NID2: variants seen among roughly 807,000 people sequenced by gnomAD.
The protein encoded by NID2 is nidogen 2, also known as nidogen-2.
Under a neutral mutation model 145.4 loss-of-function variants are expected in NID2, and 83 were observed. That is an observed-to-expected ratio of 0.57 (90% CI 0.48 to 0.69). NID2 has a LOEUF of 0.69. Among genes scored for constraint, NID2 ranks in the 30% least tolerant of loss-of-function variants. The probability of loss-of-function intolerance (pLI) is 0.00; values close to 1 mark genes in which losing one functional copy is unlikely to be tolerated. For missense variants in NID2, 1,807 were observed against 1,765.7 expected (o/e 1.02, Z -0.42); for synonymous variants, 739 against 701.3 (o/e 1.05, Z -0.85).
In NID2 at chr14:52,007,838, G is replaced by T. The variant is rs770560735; in HGVS notation, c.3852C>A (p.Phe1284Leu). The T allele has an allele frequency of 6.2e-7, 1 of 1,613,940 alleles. No homozygotes were observed. Among genetic ancestry groups the T allele is most frequent in the South Asian group, 1.1e-5 (1 of 91,018 alleles). ...CATCTGCCCAGCAGAGCAGTTTAGA[G>T]AAAGGGTCAAAGGTTAAGCCATTGG... The part of the protein sequence containing the change: ...GLPNGLTFDP[F>L]SKLLCWADAG... Residue 1284 changes from phenylalanine to leucine, a missense_variant, in exon 19 of 22, where the codon TTC becomes TTA. By Grantham distance (22) the Phe-to-Leu change is conservative (BLOSUM62 0). Transcript: ENST00000216286.
intron 2 of NID2, among the ~76,000 whole-genome samples, chr14:52,061,076 T>G (rs1431327693): frequency 6.6e-6 from 1 of 152,064 alleles, no homozygotes; most frequent in Non-Finnish European, 1.5e-5. Flanking sequence ...TCAAGGTGAG[T>G]TGTAACCTGG....
chr14:52,019,333 T>G (rs778783252), intron 13 of NID2, 39 bp from the exon 14 acceptor site: 1 of 1,497,346 alleles, frequency 6.7e-7, no homozygotes, highest in East Asian at 2.3e-5. Context: ...AAAAGAGAAA[T>G]AGAAGGCATT....
chr14:52,027,855 C>G lies in NID2; in HGVS notation c.2531-511G>C, dbSNP rs532830047. Among the ~76,000 whole-genome samples, 18 of 152,038 alleles carry G rather than the reference C, an allele frequency of 1.2e-4. No homozygotes were observed. The South Asian group carries it at 3.5e-3, about 30-fold the overall frequency. On this transcript the variant is annotated intron_variant, in intron 11 of 21. Transcript: ENST00000216286. ...TCTCCTGCCTCAGCCTCCTGAGTAG[C>G]TGGGATTACAGGCGTGAGCCACCAT...
In NID2 at chr14:52,015,181, G is replaced by C; in HGVS notation, c.3123C>G (p.Pro1041=). Residue 1041 remains proline (P), a synonymous_variant, in exon 15 of 22, where the codon CCC becomes CCG. Coordinates refer to ENST00000216286, the MANE Select transcript of NID2 (RefSeq NM_007361.4). ...TGAAGTGGCCCAGGTCATCGCACTGGGGCACGTACTGGTCATCCCGGGGGG... is the reference window on the plus strand; with the variant it reads ...TGAAGTGGCCCAGGTCATCGCACTGCGGCACGTACTGGTCATCCCGGGGGG... ...GGTPRDDQYV[P]QCDDLGHFIP... 3.7e-6 allele frequency: 6 copies of C among 1,614,048 alleles called. No individual in the cohort carries two copies. The highest frequency in any genetic ancestry group is 5.1e-6 in the Non-Finnish European group (6 of 1,180,000).
In NID2 at chr14:52,020,175, A is replaced by G; in HGVS notation, c.2678T>C (p.Val893Ala). The change falls in exon 13 of 22, where the codon GTA (valine) becomes GCA (alanine). Residue 893 changes from valine to alanine, a missense_variant. Transcript: ENST00000216286. ...ACATCTGTTTTCTGAGCATTCATCT[A>G]CATCTGCAGAGGTCAGAAACAGAAG... ...YAGDGHQCTD[V>A]DECSENRCHP... The G allele has an allele frequency of 6.2e-7, 1 of 1,613,708 alleles. No homozygotes were observed. The highest frequency in any genetic ancestry group is 1.1e-5 in the South Asian group (1 of 91,074).
intron 16 of NID2, among the ~76,000 whole-genome samples, chr14:52,012,401 C>T (rs759270697): frequency 1.3e-5 from 2 of 152,084 alleles, no homozygotes; most frequent in African/African-American, 2.4e-5. Context: ...CCCAGGAGTT[C>T]GAGACTGAGC....
At chr14:52,030,568 G>GAAAAGAAAGAAA (rs1555363723) in intron 9 of NID2, among the ~76,000 whole-genome samples, 1 of 37,696 alleles carries the variant, frequency 2.7e-5, no homozygotes, top group African/African-American at 9.3e-5. Flanking sequence ...AAGAAAGAAA[G>GAAAAGAAAGAAA]GAAGGAAGGG....
chr14:52,045,328 A>C (rs930523212), intron 5 of NID2, among the ~76,000 whole-genome samples: 2 of 152,240 alleles, frequency 1.3e-5, no homozygotes, highest in African/African-American at 4.8e-5. Flanking sequence ...TTGGGAAAGC[A>C]GCAAGCTGAG....
At chr14:52,066,321 C>CAA (rs34875276) in intron 2 of NID2, among the ~76,000 whole-genome samples, 3,599 of 133,780 alleles carry the variant, frequency 0.027, 139 homozygotes, top group African/African-American at 0.09. Flanking sequence ...TAACGGGTAC[C>CAA]AAAAAAAAAA....
chr14:52,054,265 G>C lies in NID2; in HGVS notation c.824C>G (p.Pro275Arg). The C allele has an allele frequency of 6.2e-7, 1 of 1,614,156 alleles. No homozygotes were observed. The highest frequency in any genetic ancestry group is 8.5e-7 in the Non-Finnish European group (1 of 1,180,016). The change falls in exon 4 of 22, where the codon CCG (proline) becomes CGG (arginine). Residue 275 changes from proline (P) to arginine (R), a missense_variant. Physicochemically the swap from Pro to Arg is moderately radical, Grantham distance 103. Coordinates refer to ENST00000216286, the MANE Select transcript of NID2 (RefSeq NM_007361.4). ...TGCAGCTGGCCTGACATTGTCCAAC[G>C]GGGAAGTGCTGCCGATATGGAAAGC... ...VWAFHIGSTS[P>R]LDNVRPAAVG...
intron 8 of NID2, 47 bp from the exon 9 acceptor site, chr14:52,039,024 A>T: frequency 7.5e-7 from 1 of 1,340,282 alleles, no homozygotes; most frequent in Non-Finnish European, 1.0e-6. Flanking sequence ...AAATACAGAG[A>T]TTTTCATGTG....
intron 5 of NID2, among the ~76,000 whole-genome samples, chr14:52,046,651 C>T (rs191251720): frequency 6.9e-4 from 105 of 152,290 alleles, no homozygotes; most frequent in African/African-American, 2.5e-3. Context: ...AGATTGGAAG[C>T]TGTACTACAT....
At chr14:52,040,460 G>A (rs1892237914) in intron 8 of NID2, among the ~76,000 whole-genome samples, 191 bp downstream of exon 8, 2 of 152,150 alleles carry the variant, frequency 1.3e-5, no homozygotes, top group Admixed American at 6.5e-5. Flanking sequence ...ATATTCTTAT[G>A]TATAGCAGCC....
intron 5 of NID2, among the ~76,000 whole-genome samples, chr14:52,048,751 A>G (rs7359132): frequency 0.52 from 78,373 of 151,946 alleles, 20,574 homozygotes; most frequent in South Asian, 0.6. Flanking sequence ...GAGGGCAGGC[A>G]CACCTGGCTC....
In NID2 at chr14:52,005,206, A is replaced by AATG. The variant is rs1890715200; in HGVS notation, c.*277_*279dup. ...GAATGAATTTGATCTTTTAAATATT[A>AATG]ATGATAAATGTTTACAAGAAGTTGC... is the stretch of plus-strand genomic sequence containing the variant. On this transcript the variant is annotated 3_prime_UTR_variant, in exon 22 of 22. Coordinates refer to ENST00000216286, the MANE Select transcript of NID2 (RefSeq NM_007361.4). 2 of 314,544 alleles carry AATG rather than the reference A, an allele frequency of 6.4e-6. No individual in the cohort carries two copies. Among genetic ancestry groups the AATG allele is most frequent in the Non-Finnish European group, 1.2e-5 (2 of 172,904 alleles). The allele number at this position is 314,544 out of a possible 1,614,324, so 19.5% of individuals were successfully genotyped here.
intron 2 of NID2, among the ~76,000 whole-genome samples, chr14:52,062,288 A>G (rs947376325): frequency 6.6e-6 from 1 of 152,198 alleles, no homozygotes; most frequent in Non-Finnish European, 1.5e-5. Context: ...TCATTCATTC[A>G]ATTCACAAAG....
rs773129530 is a variant in NID2, at chr14:52,068,928, A to C, written c.67T>G (p.Leu23Val). 1.2e-6 allele frequency: 2 copies of C among 1,613,858 alleles called. No individual in the cohort carries two copies. Among genetic ancestry groups the C allele is most frequent in the Non-Finnish European group, 1.7e-6 (2 of 1,179,956 alleles). ...SSLPVLLLLP[L>V]LMLRAAALHP... ...AGCGCCGCGGCCCGCAACATTAGCA[A>C]CGGCAGCAGCAGTAGCACTGGTAAC... The change falls in exon 1 of 22, where the codon TTG (leucine) becomes GTG (valine). Residue 23 changes from leucine to valine, a missense_variant. By Grantham distance (32) the Leu-to-Val change is conservative. Coordinates refer to ENST00000216286, the MANE Select transcript of NID2 (RefSeq NM_007361.4).
chr14:52,015,425 G>A (rs1203330963), intron 14 of NID2, 150 bp from the exon 15 acceptor site: 4 of 658,710 alleles, frequency 6.1e-6, no homozygotes, highest in Admixed American at 5.9e-5. Flanking sequence ...CACCAAACTT[G>A]GGAAGCAAAT....
intron 9 of NID2, among the ~76,000 whole-genome samples, chr14:52,035,701 C>T (rs762369930): frequency 7.3e-5 from 11 of 151,474 alleles, no homozygotes; most frequent in Non-Finnish European, 1.0e-4. Flanking sequence ...TTTTTTGAGA[C>T]GGAGTCTCAC....
Sources: allele counts gnomAD v4.1 joint callset (sites outside exome capture counted in the v4.1 genomes callset), GRCh38; gene constraint gnomAD v4.1.1; transcripts MANE v1.5; gene names NCBI Gene and HGNC (gene_info 2026-07-23, HGNC 2026-07-21).